Variants in ZNF469 observed in about 807,000 individuals in gnomAD.
ZNF469 encodes the protein zinc finger protein 469.
A neutral mutation model predicts 1.0 loss-of-function variants in ZNF469; 1 was observed. That is an observed-to-expected ratio of 1.00 (90% CI 0.35 to 4.73). The LOEUF (loss-of-function observed/expected upper bound fraction) is 4.73. ZNF469 is among the 30% of genes most tolerant of loss of function. ZNF469 has a pLI of 0.16. For missense variants in ZNF469, 6,100 were observed against 5,356.3 expected (o/e 1.14, Z -4.33); for synonymous variants, 2,703 against 2,363.4 (o/e 1.14, Z -4.17).
At chr16:88,279,284 G>C in the ZNF469 span, among the ~76,000 whole-genome samples, 1 of 140,954 alleles carries the variant, frequency 7.1e-6, no homozygotes, top group African/African-American at 2.8e-5. Flanking sequence ...GTAGATATCA[G>C]TGCACAGTTA....
chr16:88,438,534 C>T lies in ZNF469; in HGVS notation c.11064C>T (p.Thr3688=). ...SSSKDRSAAS[T]PSKALKFPVH... is the part of the protein sequence containing the mutation. ...CAAAGGACAGGTCGGCAGCATCCACCCCCAGCAAAGCACTCAAGTTCCCAG... is the reference window on the plus strand; with the variant it reads ...CAAAGGACAGGTCGGCAGCATCCACTCCCAGCAAAGCACTCAAGTTCCCAG... Residue 3688 remains threonine (T), a synonymous_variant, in exon 3 of 3, where the codon ACC becomes ACT. Transcript: ENST00000565624. 4 of 1,550,132 alleles carry T rather than the reference C, an allele frequency of 2.6e-6. No individual in the cohort carries two copies. The highest frequency in any genetic ancestry group is 2.6e-6 in the Non-Finnish European group (3 of 1,146,962).
the ZNF469 span, among the ~76,000 whole-genome samples, chr16:88,249,423 CTTTTTCTTTTTTTTTTTTT>C: frequency 3.2e-5 from 2 of 61,754 alleles, no homozygotes; most frequent in Non-Finnish European, 5.3e-5. Flanking sequence ...CTTTCTTTTT[CTTTTTCTTTTTTTTTTTTT>C]TTTTTTTTTT....
At chr16:88,131,681 A>G in the ZNF469 span, among the ~76,000 whole-genome samples, 22 of 152,234 alleles carry the variant, frequency 1.4e-4, no homozygotes, top group Non-Finnish European at 2.8e-4. Flanking sequence ...GTGCCAGTGC[A>G]GGGAGGGGCC....
At chr16:88,118,784 A>T in the ZNF469 span, among the ~76,000 whole-genome samples, 1 of 152,244 alleles carries the variant, frequency 6.6e-6, no homozygotes, top group African/African-American at 2.4e-5. Flanking sequence ...TAACTAATGC[A>T]GGCACCAGTA....
chr16:88,350,735 T>A, the ZNF469 span, among the ~76,000 whole-genome samples: 1 of 152,114 alleles, frequency 6.6e-6, no homozygotes, highest in Non-Finnish European at 1.5e-5. Context: ...TGGCCAGAAG[T>A]AGATGTTGAT....
At chr16:88,168,923 C>A in the ZNF469 span, among the ~76,000 whole-genome samples, 27 of 151,874 alleles carry the variant, frequency 1.8e-4, no homozygotes, top group African/African-American at 6.1e-4. The surrounding 1 kb of genome is among the most constrained non-coding windows in gnomAD (Gnocchi z 4.3). Context: ...TAGTGAGACC[C>A]CCCCCTCTAC....
chr16:88,436,898 C>T lies in ZNF469; in HGVS notation c.9428C>T (p.Pro3143Leu). The change falls in exon 3 of 3, where the codon CCC (proline) becomes CTC (leucine). Residue 3143 changes from proline to leucine, a missense_variant. By Grantham distance (98) the Pro-to-Leu change is moderately conservative. Coordinates refer to ENST00000565624, the MANE Select transcript of ZNF469 (RefSeq NM_001367624.2). ...CTGGCCCACACGCCCGCGCCGCCGC[C>T]CACCTGCTACATGTGCGTGGAGCGC... ...HKLAHTPAPP[P>L]TCYMCVERRF... 3 of 1,502,206 alleles carry T rather than the reference C, an allele frequency of 2.0e-6. No individual in the cohort carries two copies. The East Asian group carries it at 7.4e-5, about 37-fold the overall frequency. 93.1% of individuals were successfully genotyped at this position (1,502,206 alleles called of 1,614,324 possible). A position where few individuals can be genotyped will look rare whatever the true frequency, so the allele number is the denominator to read the frequency against.
chr16:88,389,460 C>T (rs552107281), intron 1 of ZNF469, among the ~76,000 whole-genome samples: 34 of 152,356 alleles, frequency 2.2e-4, no homozygotes, highest in Admixed American at 1.8e-3. Flanking sequence ...GTCCAGCTGC[C>T]GTGAGCTTTT....
chr16:88,156,046 C>T, the ZNF469 span, among the ~76,000 whole-genome samples: 6 of 152,170 alleles, frequency 3.9e-5, no homozygotes, highest in African/African-American at 1.4e-4. Flanking sequence ...TGTGTATCTG[C>T]TTTGGAAAAA....
the ZNF469 span, among the ~76,000 whole-genome samples, chr16:88,273,890 C>T: frequency 2.3e-4 from 34 of 150,856 alleles, no homozygotes; most frequent in African/African-American, 4.6e-4. Flanking sequence ...CTGCAAGCTC[C>T]GCCTCCCGGG....
At chr16:88,214,546 G>A in the ZNF469 span, among the ~76,000 whole-genome samples, 2 of 152,072 alleles carry the variant, frequency 1.3e-5, no homozygotes, top group East Asian at 3.9e-4. Flanking sequence ...GGGGTACAGT[G>A]CAGAACGTGC....
the ZNF469 span, among the ~76,000 whole-genome samples, chr16:88,185,681 CCA>C: frequency 4.7e-4 from 70 of 147,800 alleles, no homozygotes; most frequent in Admixed American, 1.3e-3. Context: ...GTGCCCAGAC[CCA>C]CAGACACATT....
chr16:88,348,566 G>T, the ZNF469 span, among the ~76,000 whole-genome samples: 1 of 152,202 alleles, frequency 6.6e-6, no homozygotes, highest in Non-Finnish European at 1.5e-5. Flanking sequence ...CCACACGGGG[G>T]AGCTGTACAG....
chr16:88,286,536 C>T, the ZNF469 span, among the ~76,000 whole-genome samples: 20 of 152,254 alleles, frequency 1.3e-4, no homozygotes, highest in African/African-American at 3.4e-4. Flanking sequence ...CACTTGCCAT[C>T]GGGAGAGGAC....
At chr16:88,183,373 C>A in the ZNF469 span, among the ~76,000 whole-genome samples, 1 of 152,250 alleles carries the variant, frequency 6.6e-6, no homozygotes. Context: ...GCTTCACTCA[C>A]AACAGCCCAC....
chr16:88,436,324 G>A lies in ZNF469; in HGVS notation c.8854G>A (p.Asp2952Asn), dbSNP rs1336605160. The A allele has an allele frequency of 6.5e-7, 1 of 1,549,628 alleles. No homozygotes were observed. The highest frequency in any genetic ancestry group is 2.0e-5 in the Admixed American group (1 of 51,002). ...GFLNSRVPGI[D>N]PWAPGLSLWA... is the part of the protein sequence containing the mutation. ...CCTCAATAGCAGGGTGCCTGGCATT[G>A]ACCCCTGGGCCCCCGGCCTCAGCCT... The change falls in exon 3 of 3, where the codon GAC (aspartate) becomes AAC (asparagine). Residue 2952 changes from aspartate to asparagine, a missense_variant. By Grantham distance (23) the Asp-to-Asn change is conservative. Transcript: ENST00000565624.
At chr16:88,329,580 C>G in the ZNF469 span, among the ~76,000 whole-genome samples, 1 of 152,136 alleles carries the variant, frequency 6.6e-6, no homozygotes, top group African/African-American at 2.4e-5. Context: ...AGGGCTAGCA[C>G]CTCTGCCAGC....
At chr16:88,205,472 A>G in the ZNF469 span, among the ~76,000 whole-genome samples, 2 of 152,214 alleles carry the variant, frequency 1.3e-5, no homozygotes, top group Non-Finnish European at 2.9e-5. The surrounding 1 kb of genome is among the most constrained non-coding windows in gnomAD (Gnocchi z 4.2). Flanking sequence ...TTCAAACATC[A>G]TTAAGAGCCT....
At chr16:88,133,488 G>C in the ZNF469 span, among the ~76,000 whole-genome samples, 1 of 152,176 alleles carries the variant, frequency 6.6e-6, no homozygotes, top group African/African-American at 2.4e-5. Flanking sequence ...GCCTGACGCG[G>C]ATTCTCACAG....
Sources: allele counts gnomAD v4.1 joint callset (sites outside exome capture counted in the v4.1 genomes callset), GRCh38; gene constraint gnomAD v4.1.1; non-coding constraint Gnocchi (gnomAD v3.1); transcripts MANE v1.5; gene names NCBI Gene and HGNC (gene_info 2026-07-23, HGNC 2026-07-21).